The following FAM185A variants were observed in gnomAD, a reference collection of about 807,000 sequenced individuals.
FAM185A encodes protein FAM185A.
A neutral mutation model predicts 45.7 loss-of-function variants in FAM185A; 21 were observed. That is an observed-to-expected ratio of 0.46 (90% confidence interval 0.33 to 0.66). FAM185A has a LOEUF of 0.66. Ranked by LOEUF, FAM185A falls within the 30% of genes least tolerant of loss-of-function variation. The probability of loss-of-function intolerance (pLI) is 0.03; values close to 1 mark genes in which losing one functional copy is unlikely to be tolerated. For synonymous variants in FAM185A, 117 were observed against 194.0 expected (o/e 0.60, Z 3.30); for missense variants, 305 against 485.4 (o/e 0.63, Z 3.49).
intron 7 of FAM185A, among the ~76,000 whole-genome samples, chr7:102,802,550 C>T (rs1330723497): frequency 6.6e-6 from 1 of 152,098 alleles, no homozygotes; most frequent in African/African-American, 2.4e-5. Flanking sequence ...GCCACTTTTC[C>T]TCCTAAGAGG....
the FAM185A span, among the ~76,000 whole-genome samples, chr7:102,825,749 C>A: frequency 6.6e-6 from 1 of 152,146 alleles, no homozygotes; most frequent in African/African-American, 2.4e-5. Flanking sequence ...ATAAATGATA[C>A]CTCAAATAAT....
At chr7:102,787,990 A>T (rs534194726) in intron 7 of FAM185A, among the ~76,000 whole-genome samples, 31 of 151,974 alleles carry the variant, frequency 2.0e-4, no homozygotes, top group African/African-American at 7.3e-4. Flanking sequence ...TTTGAGACAG[A>T]GTCTTACTCT....
At chr7:102,833,122 G>A in the FAM185A span, 1 of 803,126 alleles carries the variant, frequency 1.2e-6, no homozygotes, top group African/African-American at 1.7e-5. Context: ...AAAAACCCAT[G>A]TTACATCCAA....
intron 7 of FAM185A, among the ~76,000 whole-genome samples, chr7:102,802,879 A>C (rs1315745222): frequency 6.6e-6 from 1 of 152,138 alleles, no homozygotes; most frequent in Non-Finnish European, 1.5e-5. Context: ...AGAAATACAA[A>C]AGATCATTCA....
chr7:102,782,037 C>T (rs1795444160), intron 6 of FAM185A, among the ~76,000 whole-genome samples: 1 of 152,082 alleles, frequency 6.6e-6, no homozygotes, highest in Admixed American at 6.5e-5. Flanking sequence ...ATTCGATCAA[C>T]TGGAAGAAAG....
intron 6 of FAM185A, among the ~76,000 whole-genome samples, chr7:102,783,939 A>G (rs2129440514): frequency 6.6e-6 from 1 of 152,338 alleles, no homozygotes; most frequent in East Asian, 1.9e-4. Flanking sequence ...ACCGCTAGCA[A>G]GACTAATTAA....
At chr7:102,846,971 ATGGT>A in the FAM185A span, among the ~76,000 whole-genome samples, 1 of 152,126 alleles carries the variant, frequency 6.6e-6, no homozygotes, top group Non-Finnish European at 1.5e-5. Flanking sequence ...TATATTTTGA[ATGGT>A]TGAAAAAAAA....
chr7:102,802,328 T>C (rs1207118190), intron 7 of FAM185A, among the ~76,000 whole-genome samples: 2 of 152,140 alleles, frequency 1.3e-5, no homozygotes, highest in Non-Finnish European at 2.9e-5. Flanking sequence ...AAAGTTGAAA[T>C]TATATCAAGC....
At chr7:102,809,741 C>T (rs1412899019), downstream of FAM185A, among the ~76,000 whole-genome samples, 2 of 151,976 alleles carry the variant, frequency 1.3e-5, no homozygotes, top group Admixed American at 6.6e-5. Flanking sequence ...TTATATAATA[C>T]TATAACTATA....
At chr7:102,813,216 G>T, downstream of FAM185A, 1 of 804,396 alleles carries the variant, frequency 1.2e-6, no homozygotes, top group Non-Finnish European at 2.0e-6. Context: ...GTTGGAATAA[G>T]AATCAGAAGA....
At chr7:102,813,665 T>C, downstream of FAM185A, 7 of 855,612 alleles carry the variant, frequency 8.2e-6, no homozygotes, top group Non-Finnish European at 1.1e-5. Flanking sequence ...CTTGCCTTGC[T>C]GAGAGTGAGG....
At chr7:102,815,442 C>T in the FAM185A span, among the ~76,000 whole-genome samples, 1 of 152,204 alleles carries the variant, frequency 6.6e-6, no homozygotes, top group South Asian at 2.1e-4. Context: ...GTCCTTTAAC[C>T]CTCTTGGCTT....
At chr7:102,838,396 C>T in the FAM185A span, among the ~76,000 whole-genome samples, 4 of 152,050 alleles carry the variant, frequency 2.6e-5, no homozygotes, top group Admixed American at 6.5e-5. Context: ...TTTGTATGCA[C>T]TGCTTCTCTG....
At chr7:102,757,435 C>G (rs1279514441) in intron 2 of FAM185A, among the ~76,000 whole-genome samples, 3 of 152,172 alleles carry the variant, frequency 2.0e-5, no homozygotes, top group Admixed American at 6.5e-5. Flanking sequence ...AATGATAGTT[C>G]ATGTGAAGTA....
chr7:102,832,851 C>G, the FAM185A span: 1 of 1,614,166 alleles, frequency 6.2e-7, no homozygotes, highest in Non-Finnish European at 8.5e-7. Context: ...TTTGGACAGC[C>G]AGCAATGCTG....
At chr7:102,781,930 C>A (rs1461620057) in intron 6 of FAM185A, among the ~76,000 whole-genome samples, 1 of 152,020 alleles carries the variant, frequency 6.6e-6, no homozygotes, top group East Asian at 1.9e-4. Flanking sequence ...GAATGGCTAA[C>A]TAGAATAATC....
chr7:102,831,911 C>T, the FAM185A span, among the ~76,000 whole-genome samples: 1 of 152,058 alleles, frequency 6.6e-6, no homozygotes, highest in Non-Finnish European at 1.5e-5. Flanking sequence ...ATTATTAATC[C>T]AGAACCTGAG....
chr7:102,780,270 T>C (rs1297724664), intron 6 of FAM185A, among the ~76,000 whole-genome samples: 1 of 152,022 alleles, frequency 6.6e-6, no homozygotes, highest in Non-Finnish European at 1.5e-5. Context: ...GCAGGGGCCT[T>C]TTACCTACTT....
the FAM185A span, among the ~76,000 whole-genome samples, chr7:102,819,009 G>A: frequency 1.3e-5 from 2 of 152,142 alleles, no homozygotes; most frequent in South Asian, 4.2e-4. Context: ...CTGTCCATGT[G>A]TTGTCATCAT....
Sources: gnomAD v4.1 joint callset for allele counts (sites outside exome capture counted in the v4.1 genomes callset) on GRCh38, gnomAD v4.1.1 for gene constraint, MANE v1.5 for transcripts, NCBI Gene and HGNC (gene_info 2026-07-23, HGNC 2026-07-21) for gene names.